The following TRPC1 variants were observed in gnomAD, a reference collection of about 807,000 sequenced individuals.
The protein encoded by TRPC1 is transient receptor potential cation channel subfamily C member 1.
TRPC1 carries 42 observed loss-of-function variants against 88.2 expected under a neutral mutation model. That is an observed-to-expected ratio of 0.48 (90% CI 0.37 to 0.62). The LOEUF is 0.62. TRPC1 is among the 20% of genes least tolerant of loss of function. The pLI is 0.00. For missense variants in TRPC1, 699 were observed against 957.3 expected (o/e 0.73, Z 3.56); for synonymous variants, 288 against 331.8 (o/e 0.87, Z 1.43).
At position 142,806,926 on chromosome 3, in the gene TRPC1, GTAGT is replaced by G. The variant is rs1388994718; in HGVS notation, c.*696_*699del. 1.3e-5 allele frequency: 2 copies of G among 151,464 alleles called. No homozygotes were observed. Among genetic ancestry groups the G allele is most frequent in the African/African-American group, 2.4e-5 (1 of 41,272 alleles). The allele number at this position is 151,464 out of a possible 1,614,324, so 9.4% of individuals were successfully genotyped here. ...TATATATACATTTCCATGTATTGAT[GTAGT>G]TAGTCCACATTTAAATTTTTATAGA... is the stretch of plus-strand genomic sequence containing the variant. On this transcript the variant is annotated 3_prime_UTR_variant, in exon 13 of 13. Transcript: ENST00000476941.
In TRPC1 at chr3:142,806,068, G is replaced by A; in HGVS notation, c.2215G>A (p.Val739Met). The A allele has an allele frequency of 6.2e-7, 1 of 1,613,932 alleles. No homozygotes were observed. Among genetic ancestry groups the A allele is most frequent in the Non-Finnish European group, 8.5e-7 (1 of 1,179,906 alleles). Residue 739 changes from valine to methionine, a missense_variant, in exon 13 of 13, where the codon GTG becomes ATG. This residue lies in a region of TRPC1 where 105 missense variants were observed against 141.7 expected (regional missense o/e 0.74). Coordinates refer to ENST00000476941, the MANE Select transcript of TRPC1 (RefSeq NM_001251845.2). ...ENYQKVMCCLVHRYLTSMRQK... is the reference protein window; with the variant it reads ...ENYQKVMCCLMHRYLTSMRQK... ...CTATCAAAAAGTGATGTGCTGCCTA[G>A]TGCATCGTTACTTGACTTCCATGAG...
intron 9 of TRPC1, among the ~76,000 whole-genome samples, chr3:142,794,349 A>G (rs1936390171): frequency 6.6e-6 from 1 of 152,048 alleles, no homozygotes; most frequent in Admixed American, 6.6e-5. Flanking sequence ...AGGAGAAAGT[A>G]TAATATTTTT....
intron 5 of TRPC1, among the ~76,000 whole-genome samples, chr3:142,778,430 G>A (rs967358927): frequency 6.6e-6 from 1 of 150,990 alleles, no homozygotes; most frequent in Non-Finnish European, 1.5e-5. Context: ...AAAAAAAAAA[G>A]ACTTTGTAAT....
In TRPC1 at chr3:142,724,526, C is replaced by G; in HGVS notation, c.-34C>G. On this transcript the variant is annotated 5_prime_UTR_variant, in exon 1 of 13. Transcript: ENST00000476941. This position sits in a 1 kb window ranked among gnomAD's most constrained non-coding sequence, Gnocchi z 5.6. Reference sequence around the variant, plus strand: ...GGTCGGGGCCGGTGGGGGCCCCGCCCCCGTCTCCTGGCCTGCCCCCTTCAT... The same window carrying G: ...GGTCGGGGCCGGTGGGGGCCCCGCCGCCGTCTCCTGGCCTGCCCCCTTCAT... 1.3e-6 allele frequency: 2 copies of G among 1,489,094 alleles called. No homozygotes were observed. Among genetic ancestry groups the G allele is most frequent in the Non-Finnish European group, 1.8e-6 (2 of 1,126,216 alleles). 92.2% of individuals were successfully genotyped at this position (1,489,094 alleles called of 1,614,324 possible).
intron 7 of TRPC1, among the ~76,000 whole-genome samples, chr3:142,789,307 C>T (rs1008298501): frequency 1.3e-5 from 2 of 152,032 alleles, no homozygotes; most frequent in African/African-American, 4.8e-5. Context: ...CCTACTCCTT[C>T]CCCAAATAAA....
chr3:142,775,831 T>C (rs904813957), intron 4 of TRPC1, among the ~76,000 whole-genome samples: 1 of 152,210 alleles, frequency 6.6e-6, no homozygotes, highest in African/African-American at 2.4e-5. Context: ...TTAAACCACC[T>C]ATAAAATCCT....
At chr3:142,790,782 C>T (rs1271905493) in intron 7 of TRPC1, among the ~76,000 whole-genome samples, 7 of 152,066 alleles carry the variant, frequency 4.6e-5, no homozygotes, top group Admixed American at 1.3e-4. Context: ...TGGTTTCTTA[C>T]GTTTGTTCCA....
At chr3:142,804,258 A>G (rs1357125503) in intron 11 of TRPC1, 80 bp downstream of exon 11, 3 of 1,264,698 alleles carry the variant, frequency 2.4e-6, no homozygotes, top group Non-Finnish European at 2.2e-6. Flanking sequence ...GCCAAAGATT[A>G]TAAGATTATA....
intron 1 of TRPC1, among the ~76,000 whole-genome samples, chr3:142,731,374 A>ATTTTTTTTTTTTTTTTT (rs59613066): frequency 1.3e-5 from 1 of 79,524 alleles, no homozygotes; most frequent in African/African-American, 5.1e-5. Flanking sequence ...ATATGTTTTG[A>ATTTTTTTTTTTTTTTTT]TTTTTTTTTT....
At chr3:142,737,941 G>A (rs1200608844) in intron 2 of TRPC1, among the ~76,000 whole-genome samples, 2 of 152,068 alleles carry the variant, frequency 1.3e-5, no homozygotes, top group Non-Finnish European at 2.9e-5. Flanking sequence ...AAAGGCATAA[G>A]CTTCAGTTAC....
chr3:142,744,525 C>T (rs552070017), intron 3 of TRPC1, among the ~76,000 whole-genome samples: 1 of 152,156 alleles, frequency 6.6e-6, no homozygotes, highest in South Asian at 2.1e-4. Context: ...TAAATGATTA[C>T]ATATATGTAC....
intron 4 of TRPC1, among the ~76,000 whole-genome samples, chr3:142,753,667 A>T (rs1437544530): frequency 7.0e-6 from 1 of 142,746 alleles, no homozygotes; most frequent in African/African-American, 2.6e-5. Flanking sequence ...CAGGAGGCTG[A>T]GGCAGGAGAA....
At chr3:142,781,079 A>G in intron 6 of TRPC1, 50 bp downstream of exon 6, 1 of 1,478,780 alleles carries the variant, frequency 6.8e-7, no homozygotes, top group South Asian at 1.4e-5. Context: ...ACAGTAGTCT[A>G]GTGGCTCAGG....
intron 4 of TRPC1, among the ~76,000 whole-genome samples, chr3:142,771,547 C>T (rs926892548): frequency 7.2e-5 from 11 of 152,082 alleles, no homozygotes; most frequent in South Asian, 2.1e-4. Context: ...TTTCCTTTCT[C>T]GTAATGATAT....
At chr3:142,788,137 C>G (rs1936188025) in intron 7 of TRPC1, among the ~76,000 whole-genome samples, 1 of 152,126 alleles carries the variant, frequency 6.6e-6, no homozygotes, top group African/African-American at 2.4e-5. Context: ...CATTGCCTAC[C>G]TGAAGTAGGC....
rs547941224 is a variant in TRPC1, at chr3:142,770,883, G to A, written c.633-6749G>A. Reference sequence around the variant, plus strand: ...TTTATAAAGAAAAGAGGTTTATTTGGCTTATTGTTCTGCAGGTTGTACAAG... The same window carrying A: ...TTTATAAAGAAAAGAGGTTTATTTGACTTATTGTTCTGCAGGTTGTACAAG... On this transcript the variant is annotated intron_variant, in intron 4 of 12. Coordinates refer to ENST00000476941, the MANE Select transcript of TRPC1 (RefSeq NM_001251845.2). 7.2e-5 allele frequency among the ~76,000 whole-genome samples: 11 copies of A among 152,230 alleles called. No individual in the cohort carries two copies. The South Asian group carries it at 2.3e-3, about 32-fold the overall frequency.
intron 10 of TRPC1, 150 bp downstream of exon 10, chr3:142,802,494 T>C (rs1936653283): frequency 3.7e-6 from 2 of 542,216 alleles, no homozygotes; most frequent in African/African-American, 2.0e-5. Flanking sequence ...TTATTTTTCA[T>C]GAATCACTAT....
chr3:142,743,179 A>G (rs970459162), intron 2 of TRPC1, among the ~76,000 whole-genome samples: 3 of 152,142 alleles, frequency 2.0e-5, no homozygotes, highest in Admixed American at 6.5e-5. Context: ...ATCTTGAAAA[A>G]AAATTTTCAA....
chr3:142,769,025 A>T (rs1237495043), intron 4 of TRPC1, among the ~76,000 whole-genome samples: 1 of 152,012 alleles, frequency 6.6e-6, no homozygotes, highest in Non-Finnish European at 1.5e-5. Flanking sequence ...TTTCTTGTGG[A>T]TTCCAGTTAC....
Sources: gnomAD v4.1 joint callset for allele counts (sites outside exome capture counted in the v4.1 genomes callset) on GRCh38, gnomAD v4.1.1 for gene constraint, gnomAD v4.1.1 regional missense constraint, Gnocchi (gnomAD v3.1) non-coding constraint, MANE v1.5 for transcripts, NCBI Gene and HGNC (gene_info 2026-07-23, HGNC 2026-07-21) for gene names.